The following SYT14 variants were observed in gnomAD, a reference collection of about 807,000 sequenced individuals.
SYT14 encodes synaptotagmin-14.
Under a neutral mutation model 74.2 loss-of-function variants are expected in SYT14, and 32 were observed. The observed-to-expected ratio is 0.43, with a 90% CI of 0.33 to 0.58. The LOEUF is 0.58. Ranked by LOEUF, SYT14 falls within the 20% of genes least tolerant of loss-of-function variation. The pLI is 0.05. For missense variants in SYT14, 791 were observed against 981.8 expected (o/e 0.81, Z 2.60); for synonymous variants, 298 against 337.7 (o/e 0.88, Z 1.29).
At chr1:209,966,690 A>G (rs1473081757) in intron 2 of SYT14, among the ~76,000 whole-genome samples, 1 of 152,202 alleles carries the variant, frequency 6.6e-6, no homozygotes, top group Non-Finnish European at 1.5e-5. Context: ...GTATGCTGCA[A>G]CCTTGCTAAA....
intron 2 of SYT14, among the ~76,000 whole-genome samples, chr1:210,012,986 G>A (rs2080113685): frequency 1.3e-5 from 2 of 151,938 alleles, no homozygotes; most frequent in South Asian, 4.1e-4. Flanking sequence ...GCAGGCATGA[G>A]CCACCACGCC....
At chr1:210,118,261 T>G (rs1305051746) in intron 7 of SYT14, among the ~76,000 whole-genome samples, 1 of 152,178 alleles carries the variant, frequency 6.6e-6, no homozygotes, top group East Asian at 1.9e-4. Context: ...AAATAGTGTT[T>G]CTTATAAAAA....
chr1:209,992,631 T>C (rs1408094576), intron 2 of SYT14, among the ~76,000 whole-genome samples: 7 of 152,006 alleles, frequency 4.6e-5, no homozygotes, highest in Admixed American at 4.6e-4. Context: ...CACTATGCAA[T>C]ATATCTTTGT....
chr1:210,068,904 CAT>C (rs1419074151), intron 5 of SYT14, among the ~76,000 whole-genome samples: 13 of 151,800 alleles, frequency 8.6e-5, no homozygotes, highest in Admixed American at 3.3e-4. Context: ...TGGTTTCTAA[CAT>C]GTGGATTTAA....
At chr1:210,053,511 T>A (rs12093254) in intron 5 of SYT14, among the ~76,000 whole-genome samples, 194 of 152,260 alleles carry the variant, frequency 1.3e-3, no homozygotes, top group African/African-American at 4.5e-3. Flanking sequence ...AAGATAACCC[T>A]ATTAAGTCTA....
At chr1:209,967,710 A>G (rs1013975216) in intron 2 of SYT14, among the ~76,000 whole-genome samples, 3 of 152,008 alleles carry the variant, frequency 2.0e-5, no homozygotes, top group African/African-American at 7.2e-5. Context: ...TTCACTGATC[A>G]TTATAGGTAA....
chr1:210,059,421 A>T, intron 5 of SYT14, among the ~76,000 whole-genome samples: 1 of 116,060 alleles, frequency 8.6e-6, no homozygotes, highest in African/African-American at 3.6e-5. Context: ...CATGATGACA[A>T]GAAAGAATAT....
intron 5 of SYT14, among the ~76,000 whole-genome samples, chr1:210,069,022 G>C (rs1176110379): frequency 6.6e-6 from 1 of 151,472 alleles, no homozygotes; most frequent in Non-Finnish European, 1.5e-5. Flanking sequence ...TTGCTGTTAT[G>C]ATTTTTTTCA....
intron 2 of SYT14, among the ~76,000 whole-genome samples, chr1:209,985,483 A>G (rs942843284): frequency 3.3e-5 from 5 of 152,216 alleles, no homozygotes; most frequent in African/African-American, 1.2e-4. Context: ...CAGCCCCCAC[A>G]TCTGTTCTTC....
chr1:210,096,979 G>A (rs925372248), intron 6 of SYT14, among the ~76,000 whole-genome samples: 2 of 152,192 alleles, frequency 1.3e-5, no homozygotes, highest in African/African-American at 4.8e-5. Flanking sequence ...CACACTGTGA[G>A]TTTTGTCTGT....
At chr1:210,105,678 A>C (rs958013703) in intron 7 of SYT14, among the ~76,000 whole-genome samples, 1 of 152,212 alleles carries the variant, frequency 6.6e-6, no homozygotes, top group East Asian at 1.9e-4. Context: ...CTCATGTTGA[A>C]CATGTCGAAA....
chr1:210,012,696 CTTTCTTTCTTTCTT>C lies in SYT14; in HGVS notation c.-485-933_-485-920del, dbSNP rs2080108669. ...TCCGTGCATCAGATATAACCTTTTT[CTTTCTTTCTTTCTT>C]TTTTTTTTTTTGAAACAGTCTCGCT... On this transcript the variant is annotated intron_variant, in intron 2 of 9. Transcript: ENST00000637265. 4.0e-5 allele frequency among the ~76,000 whole-genome samples: 6 copies of C among 150,968 alleles called. No homozygotes were observed. In the South Asian group the frequency reaches 1.3e-3, roughly 32 times the overall value.
chr1:210,130,843 T>C (rs550644827), intron 7 of SYT14, among the ~76,000 whole-genome samples: 1 of 152,338 alleles, frequency 6.6e-6, no homozygotes, highest in East Asian at 1.9e-4. Flanking sequence ...GAATTCACGA[T>C]GAAGTTGGTC....
intron 2 of SYT14, among the ~76,000 whole-genome samples, chr1:210,002,044 GATT>G (rs2079910030): frequency 6.6e-6 from 1 of 152,176 alleles, no homozygotes; most frequent in South Asian, 2.1e-4. Flanking sequence ...AGAGGGACAA[GATT>G]ATAAGTGGGT....
intron 2 of SYT14, among the ~76,000 whole-genome samples, chr1:210,003,889 A>AT (rs1483603333): frequency 1.3e-5 from 2 of 152,114 alleles, no homozygotes; most frequent in East Asian, 1.9e-4. Flanking sequence ...CAAATGATTT[A>AT]TTTTTTTAAC....
At chr1:209,939,263 T>C (rs555140362) in intron 1 of SYT14, among the ~76,000 whole-genome samples, 1 of 152,374 alleles carries the variant, frequency 6.6e-6, no homozygotes, top group South Asian at 2.1e-4. Flanking sequence ...CCTGTGTGTG[T>C]ATATTCATCT....
At chr1:209,991,868 G>A (rs919089150) in intron 2 of SYT14, among the ~76,000 whole-genome samples, 2 of 151,844 alleles carry the variant, frequency 1.3e-5, no homozygotes, top group Non-Finnish European at 2.9e-5. Context: ...AGATATTGAC[G>A]GGGATGCAGA....
intron 5 of SYT14, among the ~76,000 whole-genome samples, chr1:210,081,730 C>A (rs1179615458): frequency 1.3e-5 from 2 of 152,132 alleles, no homozygotes; most frequent in Non-Finnish European, 2.9e-5. Flanking sequence ...AAACTATAGC[C>A]TCAGCCTCAT....
intron 2 of SYT14, among the ~76,000 whole-genome samples, chr1:209,954,251 G>A (rs2078956697): frequency 6.6e-6 from 1 of 152,086 alleles, no homozygotes; most frequent in Non-Finnish European, 1.5e-5. Flanking sequence ...AAGCTACAAT[G>A]GAGAAAATTA....
Sources: allele counts gnomAD v4.1 joint callset (sites outside exome capture counted in the v4.1 genomes callset), GRCh38; gene constraint gnomAD v4.1.1; transcripts MANE v1.5; gene names NCBI Gene and HGNC (gene_info 2026-07-23, HGNC 2026-07-21).